Variants in ULK4 observed in about 807,000 individuals in gnomAD.
ULK4 encodes inactive serine/threonine-protein kinase ULK4.
Under a neutral mutation model 160.6 loss-of-function variants are expected in ULK4, and 133 were observed. The ratio of observed to expected loss-of-function variants is 0.83; its 90% confidence interval spans 0.72 to 0.96. ULK4 has a LOEUF of 0.96. Among genes scored for constraint, ULK4 ranks in the 40% least tolerant of loss-of-function variants. The probability of loss-of-function intolerance (pLI) is 0.00; values close to 1 mark genes in which losing one functional copy is unlikely to be tolerated. For missense variants in ULK4, 1,580 were observed against 1,499.5 expected (o/e 1.05, Z -0.89); for synonymous variants, 534 against 539.8 (o/e 0.99, Z 0.15).
chr3:41,654,109 G>C (rs2034845141), intron 30 of ULK4, among the ~76,000 whole-genome samples: 1 of 152,174 alleles, frequency 6.6e-6, no homozygotes. Context: ...TAACTATCCT[G>C]GCTGGAGTCC....
intron 35 of ULK4, among the ~76,000 whole-genome samples, chr3:41,275,543 A>G (rs2079214884): frequency 6.6e-6 from 1 of 151,788 alleles, no homozygotes. Context: ...GGGAGAAAAC[A>G]TTTCTTTTGA....
chr3:41,555,640 G>A (rs2087264041), intron 32 of ULK4, among the ~76,000 whole-genome samples: 1 of 152,100 alleles, frequency 6.6e-6, no homozygotes, highest in African/African-American at 2.4e-5. Flanking sequence ...ATATACACAT[G>A]CCATTTGACC....
At chr3:41,868,709 G>A (rs1696988132) in intron 17 of ULK4, among the ~76,000 whole-genome samples, 1 of 151,778 alleles carries the variant, frequency 6.6e-6, no homozygotes, top group Admixed American at 6.6e-5. Context: ...GTTGGTCAGA[G>A]TGATCTTGAA....
At chr3:41,561,128 G>T (rs575338657) in intron 32 of ULK4, among the ~76,000 whole-genome samples, 5 of 152,244 alleles carry the variant, frequency 3.3e-5, no homozygotes, top group Admixed American at 2.6e-4. Context: ...TAATCATGTG[G>T]TTTTTGTCAT....
intron 31 of ULK4, among the ~76,000 whole-genome samples, chr3:41,590,665 C>T (rs916385751): frequency 6.6e-6 from 1 of 150,708 alleles, no homozygotes; most frequent in African/African-American, 2.4e-5. Context: ...AAAACAAATA[C>T]ATCTTAAATA....
chr3:41,655,628 G>T (rs2034911584), intron 30 of ULK4, among the ~76,000 whole-genome samples: 1 of 152,002 alleles, frequency 6.6e-6, no homozygotes, highest in Non-Finnish European at 1.5e-5. Flanking sequence ...GATTGCTTGG[G>T]GCTTGGAGTT....
At chr3:41,815,638 T>TC (rs2040941134) in intron 19 of ULK4, among the ~76,000 whole-genome samples, 1 of 152,156 alleles carries the variant, frequency 6.6e-6, no homozygotes, top group African/African-American at 2.4e-5. Context: ...CTCAATGCCC[T>TC]CCTCAGATCA....
intron 30 of ULK4, among the ~76,000 whole-genome samples, chr3:41,655,486 T>C (rs1185891282): frequency 6.6e-6 from 1 of 151,680 alleles, no homozygotes; most frequent in African/African-American, 2.4e-5. Flanking sequence ...ATGTAACAAA[T>C]CTGTACGTTG....
chr3:41,928,536 CA>C (rs35116501), intron 5 of ULK4, among the ~76,000 whole-genome samples: 4 of 141,352 alleles, frequency 2.8e-5, no homozygotes, highest in African/African-American at 1.0e-4. Flanking sequence ...AAAAACCCTT[CA>C]AAAAAAAAAT....
At chr3:41,457,666 A>T (rs2067738472) in intron 33 of ULK4, among the ~76,000 whole-genome samples, 1 of 151,422 alleles carries the variant, frequency 6.6e-6, no homozygotes, top group African/African-American at 2.4e-5. Context: ...CCAACATCAG[A>T]CTCCCTCATG....
rs545045016 is a variant in ULK4 at position 41,866,613 on chromosome 3, G to A, written c.1656+17261C>T. Among the ~76,000 whole-genome samples, 20 of 152,244 alleles carry A rather than the reference G, an allele frequency of 1.3e-4. No individual in the cohort carries two copies. In the East Asian group the frequency reaches 2.3e-3, roughly 18 times the overall value. ...CCACTCACCTCCTGCTGTGCAGCCCGGTTCCTAACAGGCCATAAACCAGTC... is the reference window on the plus strand; with the variant it reads ...CCACTCACCTCCTGCTGTGCAGCCCAGTTCCTAACAGGCCATAAACCAGTC... On this transcript the variant is annotated intron_variant, in intron 17 of 36. Transcript: ENST00000301831.
intron 32 of ULK4, among the ~76,000 whole-genome samples, chr3:41,492,147 T>A (rs1225630694): frequency 6.7e-6 from 1 of 150,372 alleles, no homozygotes; most frequent in Admixed American, 6.8e-5. Flanking sequence ...GACATTTGGG[T>A]CGGGTCCAAG....
chr3:41,505,488 G>A (rs1325004494), intron 32 of ULK4, among the ~76,000 whole-genome samples: 1 of 152,010 alleles, frequency 6.6e-6, no homozygotes, highest in Non-Finnish European at 1.5e-5. Context: ...TAAACATCAT[G>A]TCCTATGAAT....
intron 32 of ULK4, among the ~76,000 whole-genome samples, chr3:41,483,221 A>G (rs2084390103): frequency 6.6e-6 from 1 of 152,032 alleles, no homozygotes; most frequent in Non-Finnish European, 1.5e-5. Context: ...CATGATTTCA[A>G]TTGTTTTAAT....
At chr3:41,573,087 C>T (rs1439626540) in intron 31 of ULK4, among the ~76,000 whole-genome samples, 2 of 152,220 alleles carry the variant, frequency 1.3e-5, no homozygotes, top group East Asian at 3.8e-4. Flanking sequence ...AGTGCATGGA[C>T]ATTTAATAAA....
intron 6 of ULK4, among the ~76,000 whole-genome samples, chr3:41,918,954 C>G (rs760850677): frequency 2.6e-5 from 4 of 152,090 alleles, no homozygotes; most frequent in Non-Finnish European, 5.9e-5. Context: ...GATTATACAA[C>G]TTATAGAAAA....
At chr3:41,419,515 C>A (rs1379290033) in intron 34 of ULK4, among the ~76,000 whole-genome samples, 1 of 152,174 alleles carries the variant, frequency 6.6e-6, no homozygotes, top group East Asian at 1.9e-4. Context: ...CCATGGAAAG[C>A]AAGCAGCTGA....
intron 30 of ULK4, among the ~76,000 whole-genome samples, chr3:41,643,339 T>A (rs1027952778): frequency 6.6e-6 from 1 of 152,218 alleles, no homozygotes; most frequent in African/African-American, 2.4e-5. Context: ...AACGTTTAAG[T>A]CTTTAATCCA....
chr3:41,918,648 C>G, intron 6 of ULK4, 108 bp from the exon 7 acceptor site: 1 of 560,376 alleles, frequency 1.8e-6, no homozygotes, highest in Non-Finnish European at 2.7e-6. Flanking sequence ...GTCACCCAGG[C>G]TGGAGTGCAG....
Sources: allele counts gnomAD v4.1 joint callset (sites outside exome capture counted in the v4.1 genomes callset), GRCh38; gene constraint gnomAD v4.1.1; transcripts MANE v1.5; gene names NCBI Gene and HGNC (gene_info 2026-07-23, HGNC 2026-07-21).